VAT1L: variants seen among roughly 807,000 people sequenced by gnomAD.
VAT1L encodes the protein putative NADPH-dependent quinone oxidoreductase VAT1L.
Under a neutral mutation model 44.1 loss-of-function variants are expected in VAT1L, and 34 were observed. The ratio of observed to expected loss-of-function variants is 0.77; its 90% CI spans 0.59 to 1.03. The LOEUF is 1.03. Among genes scored for constraint, VAT1L ranks in the 50% least tolerant of loss-of-function variants. The pLI is 0.00. For synonymous variants in VAT1L, 253 were observed against 202.2 expected, an observed-to-expected ratio of 1.25 and a Z score of -2.13; for missense variants, 615 against 538.8, an observed-to-expected ratio of 1.14 and a Z score of -1.40.
intron 3 of VAT1L, among the ~76,000 whole-genome samples, chr16:77,838,007 C>T (rs1263731408): frequency 6.6e-6 from 1 of 152,214 alleles, no homozygotes; most frequent in Non-Finnish European, 1.5e-5. Context: ...AAGCCGATCT[C>T]ATCTCCCTTG....
At chr16:77,977,036 C>A (rs2018348451) in intron 8 of VAT1L, among the ~76,000 whole-genome samples, 1 of 152,208 alleles carries the variant, frequency 6.6e-6, no homozygotes, top group Non-Finnish European at 1.5e-5. Context: ...CTCCCCTTGG[C>A]ATTCGGGTCC....
At chr16:77,964,130 T>TC (rs1042433447) in intron 7 of VAT1L, among the ~76,000 whole-genome samples, 1 of 151,870 alleles carries the variant, frequency 6.6e-6, no homozygotes, top group East Asian at 1.9e-4. Context: ...AAGCATATGT[T>TC]CCCCCTCTCC....
chr16:77,833,606 C>T (rs946414702), intron 3 of VAT1L, among the ~76,000 whole-genome samples: 1 of 152,088 alleles, frequency 6.6e-6, no homozygotes, highest in African/African-American at 2.4e-5. Context: ...CAAAAATTAG[C>T]TGGGCATGGT....
intron 3 of VAT1L, among the ~76,000 whole-genome samples, chr16:77,838,654 C>T (rs1488304213): frequency 2.0e-5 from 3 of 151,892 alleles, no homozygotes; most frequent in African/African-American, 4.8e-5. Flanking sequence ...CCTTTCCCTC[C>T]TCCTTTCCCT....
Position 77,884,536 on chromosome 16 carries a change from T to C in VAT1L, c.883-72T>C. 6.7e-7 allele frequency: 1 copy of C among 1,501,586 alleles called. No homozygotes were observed. Among genetic ancestry groups the C allele is most frequent in the Non-Finnish European group, 9.0e-7 (1 of 1,109,388 alleles). 93.0% of individuals were successfully genotyped at this position (1,501,586 alleles called of 1,614,324 possible). On this transcript the variant is annotated intron_variant, in intron 6 of 8. Transcript: ENST00000302536. This position sits in a 1 kb window ranked among gnomAD's most constrained non-coding sequence, Gnocchi z 4.5. ...GTTCCCCCTGTAGTAGCTGATGACA[T>C]CAGCAATGCTGCCAATGTAGGCTTA...
At chr16:77,917,614 G>A (rs1393392761) in intron 7 of VAT1L, among the ~76,000 whole-genome samples, 2 of 152,140 alleles carry the variant, frequency 1.3e-5, no homozygotes, top group Non-Finnish European at 2.9e-5. Flanking sequence ...AGTTTACAGG[G>A]CTACAGATAA....
chr16:77,874,168 T>C (rs1377972071), intron 4 of VAT1L, among the ~76,000 whole-genome samples: 1 of 151,960 alleles, frequency 6.6e-6, no homozygotes, highest in Non-Finnish European at 1.5e-5. Flanking sequence ...CATGGCCTAA[T>C]ATTGGTGAGG....
At chr16:77,807,368 C>T (rs918788815) in intron 1 of VAT1L, among the ~76,000 whole-genome samples, 14 of 152,296 alleles carry the variant, frequency 9.2e-5, no homozygotes, top group South Asian at 4.1e-4. Context: ...GCCTGCACCC[C>T]CTCCCTGGGG....
intron 1 of VAT1L, among the ~76,000 whole-genome samples, chr16:77,802,745 G>T (rs537355575): frequency 1.3e-5 from 2 of 151,624 alleles, no homozygotes; most frequent in African/African-American, 2.4e-5. Flanking sequence ...CTTAAGTGCC[G>T]CTGCTCCCTC....
intron 7 of VAT1L, among the ~76,000 whole-genome samples, chr16:77,939,407 G>A (rs1209758919): frequency 6.6e-6 from 1 of 152,152 alleles, no homozygotes; most frequent in South Asian, 2.1e-4. Flanking sequence ...GGGTGGGGAC[G>A]GTGGGAGTAG....
In VAT1L at chr16:77,879,528, TG is replaced by T. The variant is rs2017127357; in HGVS notation, c.882+305del. ...ATGGTCTCAATCTGACCTCGTGATC[TG>T]CCCGCCTCAGCCTCCCAAAGTGCTG... On this transcript the variant is annotated intron_variant, in intron 6 of 8. Transcript: ENST00000302536. This position sits in a 1 kb window ranked among gnomAD's most constrained non-coding sequence, Gnocchi z 4.1. 6.6e-6 allele frequency among the ~76,000 whole-genome samples: 1 copy of T among 152,246 alleles called. No individual in the cohort carries two copies. The highest frequency in any genetic ancestry group is 2.1e-4 in the South Asian group (1 of 4,828).
chr16:77,926,796 C>G (rs1001728762), intron 7 of VAT1L, among the ~76,000 whole-genome samples: 1 of 152,164 alleles, frequency 6.6e-6, no homozygotes, highest in African/African-American at 2.4e-5. Flanking sequence ...CACTGAGACA[C>G]AGACATGTCC....
chr16:77,910,410 T>A (rs369122787), intron 7 of VAT1L, among the ~76,000 whole-genome samples: 1 of 152,124 alleles, frequency 6.6e-6, no homozygotes, highest in South Asian at 2.1e-4. Flanking sequence ...TGGTGGCTCA[T>A]GCCTGTAATC....
chr16:77,860,847 T>G (rs2016907973), intron 3 of VAT1L, among the ~76,000 whole-genome samples: 1 of 152,042 alleles, frequency 6.6e-6, no homozygotes, highest in Non-Finnish European at 1.5e-5. Context: ...TCCAAGGGAG[T>G]GTGCCAGCAA....
intron 7 of VAT1L, among the ~76,000 whole-genome samples, chr16:77,934,255 T>C (rs1469193507): frequency 1.3e-5 from 2 of 151,962 alleles, no homozygotes; most frequent in East Asian, 3.9e-4. Context: ...AACCCCTAGG[T>C]TTTTGGCCTG....
chr16:77,923,115 C>T (rs866758129), intron 7 of VAT1L, among the ~76,000 whole-genome samples: 35 of 152,278 alleles, frequency 2.3e-4, no homozygotes, highest in Admixed American at 5.2e-4. Context: ...TGTGACCCCC[C>T]GAACCTCGGC....
chr16:77,808,561 T>C (rs1340311003), intron 1 of VAT1L, among the ~76,000 whole-genome samples: 1 of 152,104 alleles, frequency 6.6e-6, no homozygotes, highest in Non-Finnish European at 1.5e-5. Context: ...AGAAGACCAC[T>C]TGTCATCGTA....
chr16:77,897,931 C>G (rs944286719), intron 7 of VAT1L, among the ~76,000 whole-genome samples: 2 of 152,176 alleles, frequency 1.3e-5, no homozygotes, highest in South Asian at 4.1e-4. Flanking sequence ...TAACAAAGTA[C>G]CACAAGCCAA....
chr16:77,836,390 T>G (rs957061456), intron 3 of VAT1L, among the ~76,000 whole-genome samples: 1 of 152,024 alleles, frequency 6.6e-6, no homozygotes, highest in African/African-American at 2.4e-5. Flanking sequence ...CCCTGAAAAT[T>G]TAAAGAGAAC....
Sources: allele counts gnomAD v4.1 joint callset (sites outside exome capture counted in the v4.1 genomes callset), GRCh38; gene constraint gnomAD v4.1.1; non-coding constraint Gnocchi (gnomAD v3.1); transcripts MANE v1.5; gene names NCBI Gene and HGNC (gene_info 2026-07-23, HGNC 2026-07-21).